The following TENM3 variants were observed in gnomAD, a reference collection of about 807,000 sequenced individuals.
The protein encoded by TENM3 is teneurin transmembrane protein 3.
In TENM3, 63 loss-of-function variants were observed where a neutral mutation model predicts 255.1. That is an observed-to-expected ratio of 0.25 (90% CI 0.20 to 0.30). The LOEUF (loss-of-function observed/expected upper bound fraction) is 0.30. Among genes scored for constraint, TENM3 ranks in the 10% least tolerant of loss-of-function variants. TENM3 has a pLI of 1.00. For missense variants in TENM3, 2,929 were observed against 3,461.1 expected (o/e 0.85, Z 3.86); for synonymous variants, 1,306 against 1,322.3 (o/e 0.99, Z 0.27).
At chr4:181,678,940 T>C in the TENM3 span, among the ~76,000 whole-genome samples, 9 of 152,052 alleles carry the variant, frequency 5.9e-5, no homozygotes, top group African/African-American at 1.9e-4. Context: ...AAATTAATTT[T>C]TGAATTATTT....
intron 1 of TENM3, among the ~76,000 whole-genome samples, chr4:182,244,098 C>T (rs1044606709): frequency 2.0e-5 from 3 of 151,274 alleles, no homozygotes; most frequent in African/African-American, 4.8e-5. Flanking sequence ...GGACTACAGG[C>T]GCCCGCCACC....
At chr4:182,076,429 C>T in the TENM3 span, among the ~76,000 whole-genome samples, 1 of 152,108 alleles carries the variant, frequency 6.6e-6, no homozygotes, top group Admixed American at 6.5e-5. Flanking sequence ...GTCTCGATCA[C>T]TTGACCTCGT....
the TENM3 span, among the ~76,000 whole-genome samples, chr4:182,044,012 A>G: frequency 2.6e-4 from 39 of 152,322 alleles, no homozygotes; most frequent in African/African-American, 9.4e-4. Flanking sequence ...CGTCTTTAAT[A>G]GCTAATATAG....
the TENM3 span, among the ~76,000 whole-genome samples, chr4:181,794,493 A>T: frequency 6.6e-6 from 1 of 152,040 alleles, no homozygotes; most frequent in South Asian, 2.1e-4. Flanking sequence ...TCTCTATTCT[A>T]TGAATTTGAC....
upstream of TENM3, chr4:182,142,987 G>A (rs1356431717): frequency 1.2e-5 from 2 of 168,002 alleles, no homozygotes; most frequent in Non-Finnish European, 2.9e-5. Context: ...CTTTCCTGCA[G>A]ACAGGGGGCG....
chr4:181,785,698 C>G, the TENM3 span, among the ~76,000 whole-genome samples: 1 of 151,854 alleles, frequency 6.6e-6, no homozygotes, highest in Admixed American at 6.6e-5. Context: ...CAAAATCTGC[C>G]TCCCCCCAAC....
chr4:181,503,951 T>C, the TENM3 span, among the ~76,000 whole-genome samples: 1 of 152,306 alleles, frequency 6.6e-6, no homozygotes. Context: ...ATGCTGTTTA[T>C]TTCTTATTTG....
chr4:181,801,554 G>A, the TENM3 span, among the ~76,000 whole-genome samples: 2 of 151,340 alleles, frequency 1.3e-5, no homozygotes, highest in East Asian at 3.9e-4. Context: ...ATATCTATAA[G>A]CATTCGTATA....
At chr4:182,428,326 T>C (rs1580504908) in intron 3 of TENM3, among the ~76,000 whole-genome samples, 1 of 152,246 alleles carries the variant, frequency 6.6e-6, no homozygotes, top group South Asian at 2.1e-4. Context: ...TCAACAATTG[T>C]TCACTCAAGG....
intron 1 of TENM3, among the ~76,000 whole-genome samples, chr4:182,162,302 A>G (rs1751403821): frequency 1.3e-5 from 2 of 152,170 alleles, no homozygotes; most frequent in East Asian, 1.9e-4. Flanking sequence ...ATCATTTATT[A>G]AACACCTATT....
At chr4:182,774,851 A>T in intron 23 of TENM3, 67 bp from the exon 24 acceptor site, 1 of 1,170,532 alleles carries the variant, frequency 8.5e-7, no homozygotes, top group Non-Finnish European at 1.2e-6. Context: ...AACCTATCTC[A>T]CGGCACAACC....
the TENM3 span, among the ~76,000 whole-genome samples, chr4:182,100,732 T>TATAC: frequency 2.3e-5 from 3 of 132,216 alleles, no homozygotes; most frequent in African/African-American, 5.7e-5. Context: ...CACACATATA[T>TATAC]ACACATATAT....
the TENM3 span, among the ~76,000 whole-genome samples, chr4:181,910,067 G>A: frequency 1.3e-3 from 193 of 152,242 alleles, no homozygotes; most frequent in African/African-American, 4.4e-3. Flanking sequence ...GTATGCAAAT[G>A]TAGACACATG....
chr4:181,819,664 C>T, the TENM3 span, among the ~76,000 whole-genome samples: 5 of 152,184 alleles, frequency 3.3e-5, no homozygotes, highest in Non-Finnish European at 7.3e-5. Flanking sequence ...GATCATCAGG[C>T]ATTAGATTCT....
At chr4:182,432,377 T>C (rs182571993) in intron 3 of TENM3, among the ~76,000 whole-genome samples, 63 of 152,332 alleles carry the variant, frequency 4.1e-4, no homozygotes, top group East Asian at 1.9e-4. Context: ...AGTCTTTACA[T>C]TGGATTGTAG....
At chr4:181,468,649 G>A in the TENM3 span, among the ~76,000 whole-genome samples, 1 of 152,270 alleles carries the variant, frequency 6.6e-6, no homozygotes, top group East Asian at 1.9e-4. Context: ...CAACTAGCAT[G>A]CCCAGGATCT....
At chr4:181,712,706 A>T in the TENM3 span, among the ~76,000 whole-genome samples, 2 of 152,218 alleles carry the variant, frequency 1.3e-5, no homozygotes, top group Admixed American at 1.3e-4. Context: ...GCAGTTTATT[A>T]TACCAATGTA....
chr4:181,690,239 T>TGCAC, the TENM3 span, among the ~76,000 whole-genome samples: 4 of 61,766 alleles, frequency 6.5e-5, no homozygotes, highest in Non-Finnish European at 1.1e-4. Context: ...CGCGTGAGCG[T>TGCAC]GCACACACAC....
rs141968345 is a variant in TENM3 at position 182,228,358 on chromosome 4, A to ATGTGTGTGTGTG, written c.-76+83628_-76+83639dup. On this transcript the variant is annotated intron_variant, in intron 1 of 2. Transcript: ENST00000512480. Reference sequence around the variant, plus strand: ...CCTTAAATATATATAATGTAATGTAATGTGTGTGTGTGTGTGTGTGTGTGT... The same window carrying ATGTGTGTGTGTG: ...CCTTAAATATATATAATGTAATGTAATGTGTGTGTGTGTGTGTGTGTGTGTGTGTGTGTGTGT... 9.7e-4 allele frequency among the ~76,000 whole-genome samples: 106 copies of ATGTGTGTGTGTG among 109,094 alleles called. 5 individuals are homozygous for ATGTGTGTGTGTG. Among genetic ancestry groups the ATGTGTGTGTGTG allele is most frequent in the African/African-American group, 1.7e-3 (46 of 27,710 alleles). 71.6% of individuals were successfully genotyped at this position (109,094 alleles called of 152,430 possible).
Sources: allele counts gnomAD v4.1 joint callset (sites outside exome capture counted in the v4.1 genomes callset), GRCh38; gene constraint gnomAD v4.1.1; transcripts MANE v1.5; gene names NCBI Gene and HGNC (gene_info 2026-07-23, HGNC 2026-07-21).